Variants in TMPPE observed in about 807,000 individuals in gnomAD.
TMPPE encodes the protein transmembrane protein with metallophosphoesterase domain.
A neutral mutation model predicts 22.6 loss-of-function variants in TMPPE; 16 were observed. That is an observed-to-expected ratio of 0.71 (90% CI 0.48 to 1.08). The LOEUF is 1.08. Ranked by LOEUF, TMPPE falls within the 50% of genes least tolerant of loss-of-function variation. TMPPE has a pLI of 0.00. For synonymous variants in TMPPE, 240 were observed against 245.3 expected (o/e 0.98, Z 0.20); for missense variants, 526 against 584.3 (o/e 0.90, Z 1.03).
chr3:33,091,377 A>G lies in TMPPE; in HGVS notation c.*1457T>C, dbSNP rs1700753664. On this transcript the variant is annotated 3_prime_UTR_variant, in exon 2 of 2. Coordinates refer to ENST00000342462, the MANE Select transcript of TMPPE (RefSeq NM_001039770.3). The stretch of plus-strand genomic sequence containing the variant: ...CCCTTTGCCTGCCAGAATGCACATG[A>G]GGGAAGGAAGGCAAACCCCTAGCAG... 1.0e-6 allele frequency: 1 copy of G among 985,338 alleles called. No homozygotes were observed. Among genetic ancestry groups the G allele is most frequent in the South Asian group, 4.7e-5 (1 of 21,284 alleles). 61.0% of individuals were successfully genotyped at this position (985,338 alleles called of 1,614,324 possible). A position where few individuals can be genotyped will look rare whatever the true frequency, so the allele number is the denominator to read the frequency against.
In TMPPE at chr3:33,091,616, G is replaced by A; in HGVS notation, c.*1218C>T. On this transcript the variant is annotated 3_prime_UTR_variant, in exon 2 of 2. Transcript: ENST00000342462. The stretch of plus-strand genomic sequence containing the variant: ...GCACAAGGCTTGATGGATCCCTCCT[G>A]ACAAAACAATCTTGAGGTAGATACG... The A allele has an allele frequency of 3.0e-6, 3 of 984,028 alleles. No homozygotes were observed. Among genetic ancestry groups the A allele is most frequent in the Non-Finnish European group, 3.6e-6 (3 of 828,670 alleles). 61.0% of individuals were successfully genotyped at this position (984,028 alleles called of 1,614,324 possible).
rs114791958 is a variant in TMPPE, at chr3:33,096,622, A to G, written c.-109+97T>C. On this transcript the variant is annotated intron_variant, in intron 1 of 1. Transcript: ENST00000342462. ...CGCTCCGCAGAGCACCAACTGGGAA[A>G]GCGAGGGCGCCCCAAACCAGAGCCG... is the stretch of plus-strand genomic sequence containing the variant. 4,555 of 1,065,970 alleles carry G rather than the reference A, an allele frequency of 4.3e-3. 76 individuals are homozygous for G. Among genetic ancestry groups the G allele is most frequent in the East Asian group, 0.041 (458 of 11,244 alleles). 66.0% of individuals were successfully genotyped at this position (1,065,970 alleles called of 1,614,324 possible). A position where few individuals can be genotyped will look rare whatever the true frequency, so the allele number is the denominator to read the frequency against.
At chr3:33,094,716 G>T (rs1374871280) in intron 1 of TMPPE, among the ~76,000 whole-genome samples, 1 of 152,184 alleles carries the variant, frequency 6.6e-6, no homozygotes, top group Non-Finnish European at 1.5e-5. Flanking sequence ...TATGTGACAT[G>T]TGATATGGCA....
Position 33,093,687 on chromosome 3 carries a change from A to G in TMPPE, c.509T>C (p.Val170Ala). Residue 170 changes from valine (V) to alanine (A), a missense_variant, in exon 2 of 2, where the codon GTG becomes GCG. Val to Ala is a moderately conservative substitution (Grantham distance 64). Coordinates refer to ENST00000342462, the MANE Select transcript of TMPPE (RefSeq NM_001039770.3). The surrounding 1 kb of genome is among the most constrained non-coding windows in gnomAD (Gnocchi z 6.0). Reference protein sequence around the residue: ...RKLVLRPALAVGVTAVLSVAG... With the variant: ...RKLVLRPALAAGVTAVLSVAG... ...CACGCTGAGCACAGCAGTCACTCCC[A>G]CTGCCAGGGCAGGCCTGAGCACGAG... 1 of 1,614,162 alleles carries G rather than the reference A, an allele frequency of 6.2e-7. No individual in the cohort carries two copies. Among genetic ancestry groups the G allele is most frequent in the Non-Finnish European group, 8.5e-7 (1 of 1,180,018 alleles).
chr3:33,096,439 G>T, intron 1 of TMPPE: 1 of 984,154 alleles, frequency 1.0e-6, no homozygotes, highest in Non-Finnish European at 1.2e-6. Context: ...AAGGAAAACG[G>T]TCCCACAAAT....
intron 1 of TMPPE, 144 bp from the exon 2 acceptor site, chr3:33,094,447 A>T (rs535227045): frequency 3.1e-4 from 321 of 1,022,098 alleles, no homozygotes; most frequent in Non-Finnish European, 3.5e-4. Context: ...ATACTTTATT[A>T]TTCAAAAAGA....
chr3:33,091,694 T>G lies in TMPPE; in HGVS notation c.*1140A>C. 1.0e-6 allele frequency: 1 copy of G among 985,318 alleles called. No individual in the cohort carries two copies. The highest frequency in any genetic ancestry group is 1.2e-6 in the Non-Finnish European group (1 of 829,880). The allele number at this position is 985,318 out of a possible 1,614,324, so 61.0% of individuals were successfully genotyped here. On this transcript the variant is annotated 3_prime_UTR_variant, in exon 2 of 2. Transcript: ENST00000342462. ...GAAACCAAGGCTGAGTGAGGGAAAG[T>G]CACCCACCCAACGCTGCCCTATGAG... is the stretch of plus-strand genomic sequence containing the variant.
rs1700826097 is a variant in TMPPE at position 33,092,869 on chromosome 3, C to T, written c.1327G>A (p.Glu443Lys). 5 of 1,611,514 alleles carry T rather than the reference C, an allele frequency of 3.1e-6. No homozygotes were observed. Among genetic ancestry groups the T allele is most frequent in the East Asian group, 2.2e-5 (1 of 44,852 alleles). ...CGCTGCAGGATGAGCTCTGTGATCTCGGCCCTGCTACCCAGCCTCATGGGT... is the reference window on the plus strand; with the variant it reads ...CGCTGCAGGATGAGCTCTGTGATCTTGGCCCTGCTACCCAGCCTCATGGGT... ...GIPMRLGSRAEITELILQRSP is the reference protein window; with the variant it reads ...GIPMRLGSRAKITELILQRSP The change falls in exon 2 of 2, where the codon GAG becomes AAG. Residue 443 changes from glutamate to lysine, a missense_variant. Physicochemically the swap from Glu to Lys is moderately conservative, Grantham distance 56. Coordinates refer to ENST00000342462, the MANE Select transcript of TMPPE (RefSeq NM_001039770.3).
rs1295101318 is a variant in TMPPE, at chr3:33,094,096, T to C, written c.100A>G (p.Ser34Gly). The change falls in exon 2 of 2, where the codon AGC (serine) becomes GGC (glycine). Residue 34 changes from serine (S) to glycine (G), a missense_variant. Coordinates refer to ENST00000342462, the MANE Select transcript of TMPPE (RefSeq NM_001039770.3). Reference sequence around the variant, plus strand: ...CAACGCCAGGCCCTGAGCTCAAGGCTCTCTGCCAGATACGAGCGGGAGGCG... The same window carrying C: ...CAACGCCAGGCCCTGAGCTCAAGGCCCTCTGCCAGATACGAGCGGGAGGCG... ...MIASRSYLAE[S>G]LELRAWRWLL... The C allele has an allele frequency of 1.2e-6, 2 of 1,614,152 alleles. No individual in the cohort carries two copies. The highest frequency in any genetic ancestry group is 1.7e-6 in the Non-Finnish European group (2 of 1,180,038).
chr3:33,092,090 G>A lies in TMPPE; in HGVS notation c.*744C>T. On this transcript the variant is annotated 3_prime_UTR_variant, in exon 2 of 2. Coordinates refer to ENST00000342462, the MANE Select transcript of TMPPE (RefSeq NM_001039770.3). ...GGGTTGTATAAAATGAGACAAGGGA[G>A]GCAAAGCCCTCTGAATTCCTAAGCA... 1.0e-6 allele frequency: 1 copy of A among 985,434 alleles called. No individual in the cohort carries two copies. The highest frequency in any genetic ancestry group is 1.7e-5 in the African/African-American group (1 of 57,352). 61.0% of individuals were successfully genotyped at this position (985,434 alleles called of 1,614,324 possible).
chr3:33,093,352 T>G lies in TMPPE; in HGVS notation c.844A>C (p.Thr282Pro). Residue 282 changes from threonine (T) to proline (P), a missense_variant, in exon 2 of 2, where the codon ACG becomes CCG. Coordinates refer to ENST00000342462, the MANE Select transcript of TMPPE (RefSeq NM_001039770.3). The surrounding 1 kb of genome is among the most constrained non-coding windows in gnomAD (Gnocchi z 6.0). Reference protein sequence around the residue: ...YFVTGNHEYYTSDVSNWFALL... With the variant: ...YFVTGNHEYYPSDVSNWFALL... ...GCAAACCAGTTGCTGACATCTGACG[T>G]GTAGTACTCATGATTGCCTGTGACG... 2 of 1,614,062 alleles carry G rather than the reference T, an allele frequency of 1.2e-6. No individual in the cohort carries two copies. The highest frequency in any genetic ancestry group is 1.7e-6 in the Non-Finnish European group (2 of 1,180,006).
chr3:33,094,038 T>C lies in TMPPE; in HGVS notation c.158A>G (p.Asn53Ser), dbSNP rs1334166928. 1 of 1,613,978 alleles carries C rather than the reference T, an allele frequency of 6.2e-7. No homozygotes were observed. The highest frequency in any genetic ancestry group is 1.7e-5 in the Admixed American group (1 of 60,006). Residue 53 changes from asparagine (N) to serine (S), a missense_variant, in exon 2 of 2, where the codon AAC becomes AGC. Transcript: ENST00000342462. ...GAGGGAGCCAATGAGCAAGAGCGAG[T>C]TGACAAACAGGGCAAGCTGCAAGCG... Reference protein sequence around the residue: ...LLRLQLALFVNSLLLIGSLYI... With the variant: ...LLRLQLALFVSSLLLIGSLYI...
In TMPPE at chr3:33,090,678, T is replaced by G. The variant is rs1700714726; in HGVS notation, c.*2156A>C. ...AGGGACTAAAGGTGTCATGGAGACC[T>G]GCCCACCAGGGCCAGAATCTGGACA... On this transcript the variant is annotated 3_prime_UTR_variant, in exon 2 of 2. Transcript: ENST00000342462. 1 of 985,362 alleles carries G rather than the reference T, an allele frequency of 1.0e-6. No individual in the cohort carries two copies. The highest frequency in any genetic ancestry group is 1.7e-5 in the African/African-American group (1 of 57,252). 61.0% of individuals were successfully genotyped at this position (985,362 alleles called of 1,614,324 possible).
Position 33,093,630 on chromosome 3 carries a change from G to A in TMPPE, c.566C>T (p.Ala189Val), listed in dbSNP as rs951760832. 12 of 1,614,082 alleles carry A rather than the reference G, an allele frequency of 7.4e-6. No homozygotes were observed. The highest frequency in any genetic ancestry group is 1.0e-5 in the Non-Finnish European group (12 of 1,180,052). The change falls in exon 2 of 2, where the codon GCT becomes GTT. Residue 189 changes from alanine to valine, a missense_variant. By Grantham distance (64) the Ala-to-Val change is moderately conservative (BLOSUM62 0). Transcript: ENST00000342462. The surrounding 1 kb of genome is among the most constrained non-coding windows in gnomAD (Gnocchi z 6.0). Reference sequence around the variant, plus strand: ...GATGGGCACCTCCACAGTTTTCACAGCCGGGGGCTGCGCGGCATTCAGAAT... The same window carrying A: ...GATGGGCACCTCCACAGTTTTCACAACCGGGGGCTGCGCGGCATTCAGAAT... Reference protein sequence around the residue: ...AGILNAAQPPAVKTVEVPIHQ... With the variant: ...AGILNAAQPPVVKTVEVPIHQ...
Position 33,092,290 on chromosome 3 carries a change from T to G in TMPPE, c.*544A>C, listed in dbSNP as rs752898993. 5.1e-6 allele frequency: 5 copies of G among 986,860 alleles called. No individual in the cohort carries two copies. Among genetic ancestry groups the G allele is most frequent in the Non-Finnish European group, 6.0e-6 (5 of 830,984 alleles). 61.1% of individuals were successfully genotyped at this position (986,860 alleles called of 1,614,324 possible). On this transcript the variant is annotated 3_prime_UTR_variant, in exon 2 of 2. Transcript: ENST00000342462. ...CTCAATAGAGGTGATCCTGATAGAA[T>G]CAGAGGAAAAGAAAATATTCTTCTC...
Position 33,094,158 on chromosome 3 carries a change from G to A in TMPPE, c.38C>T (p.Ala13Val), listed in dbSNP as rs766572686. The A allele has an allele frequency of 3.7e-6, 6 of 1,611,700 alleles. No individual in the cohort carries two copies. Among genetic ancestry groups the A allele is most frequent in the Non-Finnish European group, 2.5e-6 (3 of 1,178,206 alleles). Residue 13 changes from alanine to valine, a missense_variant, in exon 2 of 2, where the codon GCC (alanine) becomes GTC (valine). Coordinates refer to ENST00000342462, the MANE Select transcript of TMPPE (RefSeq NM_001039770.3). ...IFRQLSLGAK[A>V]TLAAVTVFVS... ...GAAGACAGTGACAGCAGCCAGGGTGGCCTTCGCGCCTAGGGACAGCTGCCT... is the reference window on the plus strand; with the variant it reads ...GAAGACAGTGACAGCAGCCAGGGTGACCTTCGCGCCTAGGGACAGCTGCCT...
Position 33,092,733 on chromosome 3 carries a change from T to A in TMPPE, c.*101A>T, listed in dbSNP as rs1700817719. 1.8e-5 allele frequency: 27 copies of A among 1,498,770 alleles called. No homozygotes were observed. The highest frequency in any genetic ancestry group is 2.3e-5 in the Admixed American group (1 of 43,372). 92.8% of individuals were successfully genotyped at this position (1,498,770 alleles called of 1,614,324 possible). Reference sequence around the variant, plus strand: ...GTGACCAAGGGTGTGTAGGCAAGGATGAGTGGGCAAGGCTGGAGGGGAAAA... The same window carrying A: ...GTGACCAAGGGTGTGTAGGCAAGGAAGAGTGGGCAAGGCTGGAGGGGAAAA... On this transcript the variant is annotated 3_prime_UTR_variant, in exon 2 of 2. Coordinates refer to ENST00000342462, the MANE Select transcript of TMPPE (RefSeq NM_001039770.3).
Position 33,093,120 on chromosome 3 carries a change from C to G in TMPPE, c.1076G>C (p.Ser359Thr). Residue 359 changes from serine to threonine, a missense_variant, in exon 2 of 2, where the codon AGC becomes ACC. By Grantham distance (58) the Ser-to-Thr change is moderately conservative. Transcript: ENST00000342462. This position sits in a 1 kb window ranked among gnomAD's most constrained non-coding sequence, Gnocchi z 6.0. ...TAGCAAGATGATTGTGTGGTCTGGG[C>G]TGCAGCCCTCCAGGGCCTTGTCAAG... The part of the protein sequence containing the change: ...MDLDKALEGC[S>T]PDHTIILLAH... 1.9e-6 allele frequency: 3 copies of G among 1,614,204 alleles called. No individual in the cohort carries two copies. Among genetic ancestry groups the G allele is most frequent in the Non-Finnish European group, 2.5e-6 (3 of 1,180,034 alleles).
Position 33,096,901 on chromosome 3 carries a change from G to A in TMPPE, c.-291C>T, listed in dbSNP as rs948191415. 4 of 1,509,486 alleles carry A rather than the reference G, an allele frequency of 2.6e-6. No individual in the cohort carries two copies. The Admixed American group carries it at 6.4e-5, about 24-fold the overall frequency. 93.5% of individuals were successfully genotyped at this position (1,509,486 alleles called of 1,614,324 possible). ...GCGAGCCTGCTGGGGGGCACTTCGG[G>A]GCTCAGGCTCCCCGCCCTGCGGGAC... On this transcript the variant is annotated 5_prime_UTR_variant, in exon 1 of 2. Coordinates refer to ENST00000342462, the MANE Select transcript of TMPPE (RefSeq NM_001039770.3).
Sources: allele counts gnomAD v4.1 joint callset (sites outside exome capture counted in the v4.1 genomes callset), GRCh38; gene constraint gnomAD v4.1.1; non-coding constraint Gnocchi (gnomAD v3.1); transcripts MANE v1.5; gene names NCBI Gene and HGNC (gene_info 2026-07-23, HGNC 2026-07-21).